Variants in LRRIQ3 observed in about 807,000 individuals in gnomAD.
LRRIQ3 encodes the protein leucine rich repeats and IQ motif containing 3, also known as leucine-rich repeat and IQ domain-containing protein 3.
A neutral mutation model predicts 59.3 loss-of-function variants in LRRIQ3; 75 were observed. The ratio of observed to expected loss-of-function variants is 1.26; its 90% CI spans 1.05 to 1.53. The LOEUF is 1.53. Among genes scored for constraint, LRRIQ3 ranks in the 40% most tolerant of loss-of-function variants. The probability of loss-of-function intolerance (pLI) is 0.00; values close to 1 mark genes in which losing one functional copy is unlikely to be tolerated. For missense variants in LRRIQ3, 831 were observed against 710.0 expected (o/e 1.17, Z -1.94); for synonymous variants, 250 against 231.3 (o/e 1.08, Z -0.73).
chr1:74,067,606 G>A (rs745721587), intron 6 of LRRIQ3, among the ~76,000 whole-genome samples: 1 of 152,040 alleles, frequency 6.6e-6, no homozygotes, highest in Non-Finnish European at 1.5e-5. Context: ...AGTTCCATAT[G>A]TGGTTGATCA....
intron 6 of LRRIQ3, among the ~76,000 whole-genome samples, chr1:74,052,415 T>C (rs567854746): frequency 1.3e-5 from 2 of 152,232 alleles, no homozygotes; most frequent in African/African-American, 4.8e-5. Flanking sequence ...ATCTATAAAA[T>C]GGGAGAATGA....
At chr1:74,164,317 A>G (rs1648839058) in intron 3 of LRRIQ3, among the ~76,000 whole-genome samples, 1 of 151,524 alleles carries the variant, frequency 6.6e-6, no homozygotes, top group Admixed American at 6.6e-5. Context: ...AAATAAGACC[A>G]TATGGGTGGG....
intron 4 of LRRIQ3, among the ~76,000 whole-genome samples, chr1:74,111,682 G>T (rs1483120444): frequency 6.6e-6 from 1 of 151,972 alleles, no homozygotes; most frequent in Non-Finnish European, 1.5e-5. Flanking sequence ...ATCTATTCAA[G>T]AAAATCTATT....
chr1:74,084,247 G>A, intron 5 of LRRIQ3: 1 of 1,532,564 alleles, frequency 6.5e-7, no homozygotes, highest in African/African-American at 1.4e-5. Context: ...AAAGTTTAAA[G>A]ATGGAAAAAA....
intron 4 of LRRIQ3, among the ~76,000 whole-genome samples, chr1:74,148,725 T>A (rs1647734005): frequency 1.3e-5 from 2 of 152,180 alleles, no homozygotes; most frequent in Non-Finnish European, 2.9e-5. Flanking sequence ...TAGTAAGTCA[T>A]TTTAATTACA....
Position 74,041,842 on chromosome 1 carries a change from T to C in LRRIQ3, c.1089A>G (p.Ser363=). 1 of 1,613,498 alleles carries C rather than the reference T, an allele frequency of 6.2e-7. No individual in the cohort carries two copies. The highest frequency in any genetic ancestry group is 8.5e-7 in the Non-Finnish European group (1 of 1,179,696). ...CTCTCAATACTGCATTATTCTTCAA[T>C]GAACCTGAAGTGTATATGGGTAGTT... ...VFKLPIYTSG[S]LKNNAVLREK... Residue 363 remains serine (S), a synonymous_variant, in exon 7 of 8, where the codon TCA becomes TCG. Coordinates refer to ENST00000354431, the MANE Select transcript of LRRIQ3 (RefSeq NM_001105659.2).
chr1:74,147,667 G>A (rs527475589), intron 4 of LRRIQ3, among the ~76,000 whole-genome samples: 1 of 152,178 alleles, frequency 6.6e-6, no homozygotes, highest in African/African-American at 2.4e-5. Flanking sequence ...AGTCTGAGGG[G>A]GATTTCCTTA....
chr1:74,067,644 T>C (rs1042249109), intron 6 of LRRIQ3, among the ~76,000 whole-genome samples: 1 of 152,112 alleles, frequency 6.6e-6, no homozygotes, highest in Non-Finnish European at 1.5e-5. Context: ...GAGTCATATG[T>C]AGTTTTCATA....
intron 4 of LRRIQ3, among the ~76,000 whole-genome samples, chr1:74,153,652 T>G (rs117682150): frequency 9.2e-5 from 14 of 152,304 alleles, no homozygotes; most frequent in African/African-American, 3.1e-4. Flanking sequence ...TACAGTCTCA[T>G]AGAGTTTATA....
At chr1:74,191,632 C>G (rs1046220025) in intron 1 of LRRIQ3, among the ~76,000 whole-genome samples, 7 of 152,012 alleles carry the variant, frequency 4.6e-5, no homozygotes, top group African/African-American at 1.2e-4. Context: ...ATATCAATAA[C>G]AGGCAAACAG....
At chr1:74,045,910 G>A (rs1654188706) in intron 6 of LRRIQ3, among the ~76,000 whole-genome samples, 1 of 151,962 alleles carries the variant, frequency 6.6e-6, no homozygotes, top group African/African-American at 2.4e-5. Flanking sequence ...GGGATGTGAG[G>A]GACCTCTTCA....
chr1:74,197,404 A>C (rs1251690751), intron 1 of LRRIQ3, among the ~76,000 whole-genome samples: 1 of 152,188 alleles, frequency 6.6e-6, no homozygotes, highest in Non-Finnish European at 1.5e-5. Context: ...TCTCTGATTC[A>C]GTTTTCTTCT....
chr1:74,057,900 A>T (rs889551143), intron 6 of LRRIQ3, among the ~76,000 whole-genome samples: 4 of 152,152 alleles, frequency 2.6e-5, no homozygotes, highest in Admixed American at 1.3e-4. Context: ...CCAACTAAAA[A>T]ATAGTCAAAA....
At chr1:74,134,433 G>A (rs1647085229) in intron 4 of LRRIQ3, among the ~76,000 whole-genome samples, 1 of 151,924 alleles carries the variant, frequency 6.6e-6, no homozygotes. Context: ...ACATCAGACA[G>A]TAACTTCAAT....
At chr1:74,045,900 G>C (rs547150356) in intron 6 of LRRIQ3, among the ~76,000 whole-genome samples, 1 of 152,220 alleles carries the variant, frequency 6.6e-6, no homozygotes, top group African/African-American at 2.4e-5. Context: ...CAGCTAACAA[G>C]GGATGTGAGG....
intron 4 of LRRIQ3, among the ~76,000 whole-genome samples, chr1:74,136,853 GCAACT>G (rs1266641917): frequency 6.6e-6 from 1 of 151,856 alleles, no homozygotes; most frequent in Non-Finnish European, 1.5e-5. Flanking sequence ...ATTTTATACT[GCAACT>G]CAAACCATAA....
At chr1:74,078,078 C>CAA (rs1335427047) in intron 5 of LRRIQ3, among the ~76,000 whole-genome samples, 5 of 152,066 alleles carry the variant, frequency 3.3e-5, no homozygotes, top group African/African-American at 9.6e-5. Flanking sequence ...ATATCAAATA[C>CAA]AATTTCATTT....
At chr1:74,030,456 A>G (rs1264973226) in intron 7 of LRRIQ3, among the ~76,000 whole-genome samples, 1 of 152,064 alleles carries the variant, frequency 6.6e-6, no homozygotes, top group African/African-American at 2.4e-5. Flanking sequence ...AAATAATACC[A>G]CACATCTACA....
intron 1 of LRRIQ3, among the ~76,000 whole-genome samples, chr1:74,197,618 T>A (rs1651284671): frequency 6.6e-6 from 1 of 152,192 alleles, no homozygotes. Flanking sequence ...GGTTGCGGAC[T>A]GAATTTTATA....
Sources: gnomAD v4.1 joint callset for allele counts (sites outside exome capture counted in the v4.1 genomes callset) on GRCh38, gnomAD v4.1.1 for gene constraint, MANE v1.5 for transcripts, NCBI Gene and HGNC (gene_info 2026-07-23, HGNC 2026-07-21) for gene names.